Variants in RANBP2 observed in about 807,000 individuals in gnomAD.
The protein encoded by RANBP2 is E3 SUMO-protein ligase RanBP2.
In RANBP2, 57 loss-of-function variants were observed where a neutral mutation model predicts 303.6. The ratio of observed to expected loss-of-function variants is 0.19; its 90% CI spans 0.15 to 0.23. The LOEUF (loss-of-function observed/expected upper bound fraction) is 0.23. RANBP2 is among the 10% of genes least tolerant of loss of function. RANBP2 has a pLI of 1.00. For missense variants in RANBP2, 3,138 were observed against 3,780.8 expected, an observed-to-expected ratio of 0.83 and a Z score of 4.46; for synonymous variants, 1,167 against 1,301.5, an observed-to-expected ratio of 0.90 and a Z score of 2.23.
the RANBP2 span, among the ~76,000 whole-genome samples, chr2:109,425,446 G>A: frequency 2.0e-5 from 3 of 152,214 alleles, no homozygotes; most frequent in Admixed American, 2.0e-4. Context: ...TAGCTAGAGA[G>A]GAGATATCAA....
chr2:108,900,122 T>C, the RANBP2 span, among the ~76,000 whole-genome samples: 2 of 152,062 alleles, frequency 1.3e-5, no homozygotes, highest in Non-Finnish European at 2.9e-5. Flanking sequence ...AATCGAATTC[T>C]GAAATATGTT....
At chr2:109,491,025 C>A in the RANBP2 span, 1 of 1,266,234 alleles carries the variant, frequency 7.9e-7, no homozygotes, top group Non-Finnish European at 1.0e-6. Flanking sequence ...GACACTGTGG[C>A]CTTGCTGGGA....
At chr2:109,469,793 G>A in the RANBP2 span, among the ~76,000 whole-genome samples, 9 of 152,172 alleles carry the variant, frequency 5.9e-5, no homozygotes, top group South Asian at 2.1e-4. Context: ...CCAGAAAACC[G>A]TGCTTTTCCT....
At chr2:109,527,695 T>C in the RANBP2 span, among the ~76,000 whole-genome samples, 7,114 of 152,288 alleles carry the variant, frequency 0.047, 565 homozygotes, top group African/African-American at 0.16. Context: ...GATTTCTGTA[T>C]GAATTTTGCA....
the RANBP2 span, chr2:108,896,859 C>T: frequency 7.9e-5 from 124 of 1,570,440 alleles, 1 homozygote; most frequent in African/African-American, 1.5e-3. Context: ...CCAGAGCCCT[C>T]GTTGGCTCCT....
chr2:108,762,123 A>G lies in RANBP2; in HGVS notation c.2625A>G (p.Val875=), dbSNP rs200515712. 420 of 1,596,240 alleles carry G rather than the reference A, an allele frequency of 2.6e-4. 4 individuals are homozygous for G. The East Asian group carries it at 8.9e-3, about 34-fold the overall frequency. ...TAGTTGCAACTACTGGCCCTTCAGT[A>G]TATTATAGTCAGTCACCAGCATATA... ...PLTVATTGPS[V]YYSQSPAYNS... The change falls in exon 19 of 29, where the codon GTA becomes GTG. Residue 875 remains valine, a synonymous_variant. Transcript: ENST00000283195.
chr2:109,079,537 T>C, the RANBP2 span, among the ~76,000 whole-genome samples: 1 of 152,190 alleles, frequency 6.6e-6, no homozygotes, highest in Non-Finnish European at 1.5e-5. Context: ...TACTTTCAAT[T>C]AAAATATTTT....
At chr2:109,327,194 A>T in the RANBP2 span, among the ~76,000 whole-genome samples, 1 of 152,186 alleles carries the variant, frequency 6.6e-6, no homozygotes, top group South Asian at 2.1e-4. Flanking sequence ...CACATTTAAG[A>T]TGTTAATTCA....
the RANBP2 span, among the ~76,000 whole-genome samples, chr2:108,973,784 T>C: frequency 6.6e-6 from 1 of 152,004 alleles, no homozygotes; most frequent in Non-Finnish European, 1.5e-5. Context: ...AACGAAAACA[T>C]CATCAGAGTT....
chr2:109,389,221 C>A, the RANBP2 span, among the ~76,000 whole-genome samples: 1 of 152,218 alleles, frequency 6.6e-6, no homozygotes, highest in Non-Finnish European at 1.5e-5. Flanking sequence ...GCTGTGAGGG[C>A]CCCTCCTGGT....
chr2:109,137,444 G>A, the RANBP2 span, among the ~76,000 whole-genome samples: 1 of 152,236 alleles, frequency 6.6e-6, no homozygotes, highest in Non-Finnish European at 1.5e-5. Context: ...AGATGCTCTG[G>A]AAGTGCCACA....
chr2:108,740,772 G>A, intron 7 of RANBP2, 91 bp downstream of exon 7: 3 of 1,575,904 alleles, frequency 1.9e-6, no homozygotes. Context: ...ATGACAATAT[G>A]TGAACAAACC....
At chr2:108,833,585 T>G in the RANBP2 span, among the ~76,000 whole-genome samples, 1 of 152,184 alleles carries the variant, frequency 6.6e-6, no homozygotes, top group Admixed American at 6.6e-5. Flanking sequence ...AACCCTTTTT[T>G]GTAAAAGGAC....
At chr2:109,245,251 T>G in the RANBP2 span, among the ~76,000 whole-genome samples, 2 of 152,092 alleles carry the variant, frequency 1.3e-5, no homozygotes, top group African/African-American at 4.8e-5. Flanking sequence ...TCTGAGGTTT[T>G]CAGACCACAG....
chr2:109,394,674 G>A, the RANBP2 span, among the ~76,000 whole-genome samples: 1 of 152,354 alleles, frequency 6.6e-6, no homozygotes, highest in African/African-American at 2.4e-5. Flanking sequence ...CATCTATGTA[G>A]GAGGGGGACG....
At chr2:109,560,354 T>C in the RANBP2 span, among the ~76,000 whole-genome samples, 1 of 152,154 alleles carries the variant, frequency 6.6e-6, no homozygotes, top group Non-Finnish European at 1.5e-5. Flanking sequence ...CCCTCTCTCT[T>C]GATCCCCTCT....
At chr2:109,550,529 G>T in the RANBP2 span, among the ~76,000 whole-genome samples, 2 of 151,910 alleles carry the variant, frequency 1.3e-5, no homozygotes, top group African/African-American at 2.4e-5. Flanking sequence ...GACCAGGCTG[G>T]TCTCAAACTC....
the RANBP2 span, among the ~76,000 whole-genome samples, chr2:109,002,947 C>T: frequency 6.6e-6 from 1 of 152,094 alleles, no homozygotes; most frequent in Non-Finnish European, 1.5e-5. Context: ...GTGGCTCACA[C>T]CTGTAATCCC....
the RANBP2 span, chr2:109,665,461 C>T: frequency 6.6e-6 from 1 of 151,674 alleles, no homozygotes; most frequent in African/African-American, 2.4e-5. Flanking sequence ...CCTGCCTCAA[C>T]CTCCCAAGTA....
Sources: allele counts gnomAD v4.1 joint callset (sites outside exome capture counted in the v4.1 genomes callset), GRCh38; gene constraint gnomAD v4.1.1; transcripts MANE v1.5; gene names NCBI Gene and HGNC (gene_info 2026-07-23, HGNC 2026-07-21).